GALNT17: variants seen among roughly 807,000 people sequenced by gnomAD.
The protein encoded by GALNT17 is UDP-GalNAc:polypeptide N-acetylgalactosaminyltransferase-like 3.
Under a neutral mutation model 63.7 loss-of-function variants are expected in GALNT17, and 29 were observed. The ratio of observed to expected loss-of-function variants is 0.46; its 90% CI spans 0.34 to 0.62. The LOEUF is 0.62. Ranked by LOEUF, GALNT17 falls within the 20% of genes least tolerant of loss-of-function variation. The pLI is 0.01. For missense variants in GALNT17, 603 were observed against 799.6 expected (o/e 0.75, Z 2.97); for synonymous variants, 305 against 318.3 (o/e 0.96, Z 0.45).
At chr7:71,347,323 G>T (rs545650794) in intron 2 of GALNT17, among the ~76,000 whole-genome samples, 1 of 152,158 alleles carries the variant, frequency 6.6e-6, no homozygotes, top group Non-Finnish European at 1.5e-5. Context: ...TGCTTAACCT[G>T]TCTGTGCCTC....
At chr7:71,295,917 GTTTT>G (rs895482164) in intron 1 of GALNT17, among the ~76,000 whole-genome samples, 3 of 142,874 alleles carry the variant, frequency 2.1e-5, no homozygotes, top group Non-Finnish European at 4.6e-5. Flanking sequence ...TCTTTCTTGG[GTTTT>G]TTTTTTTTTT....
At chr7:71,636,064 C>G (rs944672229) in intron 6 of GALNT17, among the ~76,000 whole-genome samples, 1 of 152,166 alleles carries the variant, frequency 6.6e-6, no homozygotes, top group East Asian at 1.9e-4. Flanking sequence ...TTACCCAGCC[C>G]CTATTCAAGA....
intron 5 of GALNT17, among the ~76,000 whole-genome samples, chr7:71,487,214 C>A (rs140592567): frequency 6.6e-6 from 1 of 152,302 alleles, no homozygotes; most frequent in African/African-American, 2.4e-5. Flanking sequence ...AGCTTGCTGC[C>A]AGGGATGGGG....
intron 5 of GALNT17, among the ~76,000 whole-genome samples, chr7:71,552,312 T>C (rs984683113): frequency 2.0e-5 from 3 of 152,204 alleles, no homozygotes; most frequent in African/African-American, 7.2e-5. Flanking sequence ...CCCACAGTGC[T>C]AGGATTACAG....
Position 71,671,434 on chromosome 7 carries a change from C to A in GALNT17, c.1404+1325C>A, listed in dbSNP as rs1030663185. On this transcript the variant is annotated intron_variant, in intron 8 of 10. Coordinates refer to ENST00000333538, the MANE Select transcript of GALNT17 (RefSeq NM_022479.3). ...GGATTTTCCTATTCTTTGCCTGCTGCCTTTTATAGAAAATAAATCAACCAC... is the reference window on the plus strand; with the variant it reads ...GGATTTTCCTATTCTTTGCCTGCTGACTTTTATAGAAAATAAATCAACCAC... Among the ~76,000 whole-genome samples, 3 of 152,162 alleles carry A rather than the reference C, an allele frequency of 2.0e-5. No individual in the cohort carries two copies. The South Asian group carries it at 6.2e-4, about 32-fold the overall frequency.
intron 9 of GALNT17, among the ~76,000 whole-genome samples, chr7:71,684,083 G>A (rs368105999): frequency 1.2e-4 from 18 of 151,834 alleles, no homozygotes; most frequent in Middle Eastern, 3.5e-3. Flanking sequence ...AACCTATTTG[G>A]AACAGAAGTT....
At chr7:71,195,535 A>G (rs1196240401) in intron 1 of GALNT17, among the ~76,000 whole-genome samples, 1 of 151,926 alleles carries the variant, frequency 6.6e-6, no homozygotes, top group Non-Finnish European at 1.5e-5. Flanking sequence ...ATCTGCCACC[A>G]TGCTTGGCTA....
chr7:71,615,987 A>C (rs1363266836), intron 6 of GALNT17, among the ~76,000 whole-genome samples: 1 of 152,086 alleles, frequency 6.6e-6, no homozygotes, highest in Non-Finnish European at 1.5e-5. Flanking sequence ...GGAAAAGCCC[A>C]GAATTTGGAT....
chr7:71,577,601 T>A (rs1789559909), intron 6 of GALNT17, among the ~76,000 whole-genome samples: 1 of 152,096 alleles, frequency 6.6e-6, no homozygotes, highest in Admixed American at 6.6e-5. Flanking sequence ...TCCCTGTTGC[T>A]CCATAACAGT....
intron 1 of GALNT17, among the ~76,000 whole-genome samples, chr7:71,320,754 TG>T (rs1791591596): frequency 6.6e-6 from 1 of 152,192 alleles, no homozygotes; most frequent in South Asian, 2.1e-4. Context: ...CTGATGATTT[TG>T]AAGAGGGGAG....
At chr7:71,516,059 T>C (rs1191734231) in intron 5 of GALNT17, among the ~76,000 whole-genome samples, 1 of 152,096 alleles carries the variant, frequency 6.6e-6, no homozygotes, top group African/African-American at 2.4e-5. Flanking sequence ...GCATTTTGCA[T>C]AAGATGAACA....
At chr7:71,176,833 A>G (rs984802381) in intron 1 of GALNT17, among the ~76,000 whole-genome samples, 6 of 152,086 alleles carry the variant, frequency 3.9e-5, no homozygotes, top group African/African-American at 1.2e-4. Flanking sequence ...GGAGGATGCA[A>G]CATTCGTTGA....
intron 1 of GALNT17, among the ~76,000 whole-genome samples, chr7:71,195,730 G>T (rs2116350383): frequency 6.6e-6 from 1 of 151,822 alleles, no homozygotes; most frequent in African/African-American, 2.4e-5. Context: ...AAATTTTTTT[G>T]TAGAGATAGA....
intron 1 of GALNT17, among the ~76,000 whole-genome samples, chr7:71,322,129 T>C (rs1188233277): frequency 6.6e-6 from 1 of 151,574 alleles, no homozygotes; most frequent in Admixed American, 6.6e-5. Flanking sequence ...TTTTCTTTCA[T>C]TTTTTTGTAG....
rs555968078 is a variant in GALNT17 at position 71,399,020 on chromosome 7, G to A, written c.589+10619G>A. Among the ~76,000 whole-genome samples the A allele has an allele frequency of 7.4e-4, 112 of 152,092 alleles. 1 individual carries two copies. In the South Asian group the frequency reaches 0.012, roughly 16 times the overall value. On this transcript the variant is annotated intron_variant, in intron 3 of 10. Coordinates refer to ENST00000333538, the MANE Select transcript of GALNT17 (RefSeq NM_022479.3). The stretch of plus-strand genomic sequence containing the variant: ...GGCTGAGGTGGGACGATCACTTGAG[G>A]TCAGGCATTTGAGACCAGCCTGGCC...
chr7:71,465,763 C>T (rs1362047190), intron 5 of GALNT17, among the ~76,000 whole-genome samples: 7 of 152,116 alleles, frequency 4.6e-5, no homozygotes, highest in Admixed American at 6.6e-5. Flanking sequence ...AACGAGGTTC[C>T]GAAGCTTATA....
At chr7:71,187,678 C>G (rs955909641) in intron 1 of GALNT17, among the ~76,000 whole-genome samples, 8 of 152,110 alleles carry the variant, frequency 5.3e-5, no homozygotes, top group African/African-American at 1.9e-4. Context: ...TTGTCCTGGT[C>G]TGTGTGGGGG....
intron 6 of GALNT17, among the ~76,000 whole-genome samples, chr7:71,578,466 T>TG (rs1188086038): frequency 3.9e-5 from 6 of 152,108 alleles, no homozygotes; most frequent in Non-Finnish European, 4.4e-5. Context: ...CCCAAGTAGG[T>TG]GGGACTGCAG....
intron 1 of GALNT17, among the ~76,000 whole-genome samples, chr7:71,183,027 G>A (rs898309714): frequency 2.0e-5 from 3 of 152,276 alleles, no homozygotes; most frequent in Admixed American, 6.5e-5. Flanking sequence ...CAGGGCTGCT[G>A]GGGCATTGTG....
Sources: allele counts gnomAD v4.1 joint callset (sites outside exome capture counted in the v4.1 genomes callset), GRCh38; gene constraint gnomAD v4.1.1; transcripts MANE v1.5; gene names NCBI Gene and HGNC (gene_info 2026-07-23, HGNC 2026-07-21).